The following PCDHGA9 variants were observed in gnomAD, a reference collection of about 807,000 sequenced individuals.
PCDHGA9 encodes the protein protocadherin gamma subfamily A, 9.
A neutral mutation model predicts 62.5 loss-of-function variants in PCDHGA9; 37 were observed. The observed-to-expected ratio is 0.59, with a 90% CI of 0.46 to 0.78. The LOEUF (loss-of-function observed/expected upper bound fraction) is 0.78. Among genes scored for constraint, PCDHGA9 ranks in the 30% least tolerant of loss-of-function variants. The pLI, the probability that PCDHGA9 is intolerant of heterozygous loss-of-function variation, is 0.00. For missense variants in PCDHGA9, 1,138 were observed against 1,166.2 expected (o/e 0.98, Z 0.35); for synonymous variants, 459 against 484.6 (o/e 0.95, Z 0.69).
chr5:141,417,647 C>G, intron 1 of PCDHGA9: 8 of 812,384 alleles, frequency 9.8e-6, no homozygotes, highest in Non-Finnish European at 1.5e-5. Flanking sequence ...ATCCCTCAGC[C>G]TCTAGCCTGG....
chr5:141,414,357 A>G, intron 1 of PCDHGA9: 3 of 1,613,888 alleles, frequency 1.9e-6, no homozygotes, highest in Non-Finnish European at 2.5e-6. Flanking sequence ...TGGCGTATCT[A>G]CCATTTAAAT....
At chr5:141,451,610 G>T (rs184745360) in intron 1 of PCDHGA9, among the ~76,000 whole-genome samples, 60 of 152,298 alleles carry the variant, frequency 3.9e-4, no homozygotes, top group African/African-American at 1.3e-3. Context: ...GGCTAGGCAT[G>T]GTGGCTCAAA....
chr5:141,413,865 C>A, intron 1 of PCDHGA9: 2 of 1,613,388 alleles, frequency 1.2e-6, no homozygotes, highest in Non-Finnish European at 1.7e-6. Context: ...CTGGCACTGT[C>A]CTTGTCAGTG....
At chr5:141,501,326 CACACACA>C (rs1562200783) in intron 2 of PCDHGA9, among the ~76,000 whole-genome samples, 10 of 151,784 alleles carry the variant, frequency 6.6e-5, no homozygotes, top group African/African-American at 1.9e-4. Flanking sequence ...CACACACACA[CACACACA>C]CCCCAAACTC....
At chr5:141,509,376 C>A (rs2099876528) in intron 3 of PCDHGA9, among the ~76,000 whole-genome samples, 1 of 152,122 alleles carries the variant, frequency 6.6e-6, no homozygotes, top group African/African-American at 2.4e-5. Flanking sequence ...TTAACTGTCT[C>A]CTAACCACAG....
chr5:141,483,133 T>C (rs1263073911), intron 1 of PCDHGA9, among the ~76,000 whole-genome samples: 25 of 152,142 alleles, frequency 1.6e-4, no homozygotes, highest in South Asian at 1.2e-3. Flanking sequence ...GGAGATGAGG[T>C]GAAGCAAGTA....
intron 1 of PCDHGA9, chr5:141,409,960 C>G: frequency 6.2e-7 from 1 of 1,613,416 alleles, no homozygotes; most frequent in Non-Finnish European, 8.5e-7. Flanking sequence ...AGCCCGGCTA[C>G]CTAGTGACTA....
At chr5:141,437,035 C>T (rs991186972) in intron 1 of PCDHGA9, among the ~76,000 whole-genome samples, 1 of 152,120 alleles carries the variant, frequency 6.6e-6, no homozygotes, top group Non-Finnish European at 1.5e-5. Context: ...AATGGATCAC[C>T]GAAACCAGAA....
chr5:141,476,766 T>C lies in PCDHGA9; in HGVS notation c.2425-18041T>C. ...AGTCTCCAGTTAGTGCTGACGGCGT[T>C]GGACGGAGGGACCCCAGCTCTCTCC... On this transcript the variant is annotated intron_variant, in intron 1 of 3. Coordinates refer to ENST00000573521, the MANE Select transcript of PCDHGA9 (RefSeq NM_018921.3). This position sits in a 1 kb window ranked among gnomAD's most constrained non-coding sequence, Gnocchi z 7.6. The C allele has an allele frequency of 1.9e-6, 3 of 1,613,626 alleles. No individual in the cohort carries two copies. The highest frequency in any genetic ancestry group is 2.5e-6 in the Non-Finnish European group (3 of 1,179,952).
At chr5:141,454,267 A>G (rs1270638226) in intron 1 of PCDHGA9, among the ~76,000 whole-genome samples, 1 of 152,254 alleles carries the variant, frequency 6.6e-6, no homozygotes, top group Non-Finnish European at 1.5e-5. Context: ...AAGTAATGCC[A>G]GCAAAAACTT....
rs564486909 is a variant in PCDHGA9, at chr5:141,428,072, G to C, written c.2424+22696G>C. ...AGGTGGTGGCGGTGGACGCAGATTC[G>C]GGACACAACGCTTGGCTGTCCTACC... is the stretch of plus-strand genomic sequence containing the variant. On this transcript the variant is annotated intron_variant, in intron 1 of 3. Transcript: ENST00000573521. 5 of 1,609,080 alleles carry C rather than the reference G, an allele frequency of 3.1e-6. 1 individual carries two copies. The South Asian group carries it at 5.5e-5, about 18-fold the overall frequency.
In PCDHGA9 at chr5:141,505,090, A is replaced by C. The variant is rs1018571873; in HGVS notation, c.2484-303A>C. Among the ~76,000 whole-genome samples the C allele has an allele frequency of 3.9e-5, 6 of 152,188 alleles. 1 individual carries two copies. The South Asian group carries it at 1.2e-3, about 31-fold the overall frequency. ...GGCAGGAGAATCGCTTGAACCCAGG[A>C]GGTGGATGTTGCAATGAGCCAAGAT... On this transcript the variant is annotated intron_variant, in intron 2 of 3. Transcript: ENST00000573521.
In PCDHGA9 at chr5:141,431,450, A is replaced by G; in HGVS notation, c.2424+26074A>G. 2 of 1,613,740 alleles carry G rather than the reference A, an allele frequency of 1.2e-6. No individual in the cohort carries two copies. Among genetic ancestry groups the G allele is most frequent in the South Asian group, 1.1e-5 (1 of 91,082 alleles). Reference sequence around the variant, plus strand: ...CACAGGCACCGCGCGCATCCGCGTGATGGTTCTGGATGCGAACGACAACGC... The same window carrying G: ...CACAGGCACCGCGCGCATCCGCGTGGTGGTTCTGGATGCGAACGACAACGC... On this transcript the variant is annotated intron_variant, in intron 1 of 3. Coordinates refer to ENST00000573521, the MANE Select transcript of PCDHGA9 (RefSeq NM_018921.3). The surrounding 1 kb of genome is among the most constrained non-coding windows in gnomAD (Gnocchi z 4.8).
chr5:141,432,084 T>A lies in PCDHGA9; in HGVS notation c.2424+26708T>A, dbSNP rs1372151428. 1.2e-6 allele frequency: 2 copies of A among 1,614,186 alleles called. No individual in the cohort carries two copies. Among genetic ancestry groups the A allele is most frequent in the Admixed American group, 1.7e-5 (1 of 60,022 alleles). On this transcript the variant is annotated intron_variant, in intron 1 of 3. Transcript: ENST00000573521. This position sits in a 1 kb window ranked among gnomAD's most constrained non-coding sequence, Gnocchi z 6.0. Reference sequence around the variant, plus strand: ...ACGGAAACTCATATCTCGCTGAACGTGGCAGACACCAACGACAACCCGCCG... The same window carrying A: ...ACGGAAACTCATATCTCGCTGAACGAGGCAGACACCAACGACAACCCGCCG...
chr5:141,450,491 G>C (rs1264524088), intron 1 of PCDHGA9, among the ~76,000 whole-genome samples: 1 of 151,896 alleles, frequency 6.6e-6, no homozygotes, highest in Non-Finnish European at 1.5e-5. Context: ...TTGTTTGTCT[G>C]TTTGTTTGTT....
chr5:141,409,670 T>C lies in PCDHGA9; in HGVS notation c.2424+4294T>C, dbSNP rs2095300697. 1.9e-6 allele frequency: 3 copies of C among 1,613,486 alleles called. No homozygotes were observed. In the East Asian group the frequency reaches 6.7e-5, roughly 36 times the overall value. ...GGGGCTCAATGGCCACATCTCCTACTCTATAGTGGCGAGTGACCTAGAGCC... is the reference window on the plus strand; with the variant it reads ...GGGGCTCAATGGCCACATCTCCTACCCTATAGTGGCGAGTGACCTAGAGCC... On this transcript the variant is annotated intron_variant, in intron 1 of 3. Transcript: ENST00000573521.
chr5:141,432,173 G>C lies in PCDHGA9; in HGVS notation c.2424+26797G>C, dbSNP rs771177256. On this transcript the variant is annotated intron_variant, in intron 1 of 3. Transcript: ENST00000573521. This position sits in a 1 kb window ranked among gnomAD's most constrained non-coding sequence, Gnocchi z 6.0. ...GAACAATCCCAGAGGAGTTTCCCTC[G>C]TCTCTGTGACCGCCCACGACCCCGA... The C allele has an allele frequency of 3.1e-6, 5 of 1,614,054 alleles. No homozygotes were observed. Among genetic ancestry groups the C allele is most frequent in the South Asian group, 1.1e-5 (1 of 91,054 alleles).
rs751024373 is a variant in PCDHGA9, at chr5:141,491,801, G to A, written c.2425-3006G>A. On this transcript the variant is annotated intron_variant, in intron 1 of 3. Coordinates refer to ENST00000573521, the MANE Select transcript of PCDHGA9 (RefSeq NM_018921.3). The surrounding 1 kb of genome is among the most constrained non-coding windows in gnomAD (Gnocchi z 6.9). ...AACTTGCATCCACTCCTCTCCGGCC[G>A]GCTTGGTCGCTGGCTGCGCTCCACC... 2.7e-6 allele frequency: 4 copies of A among 1,500,726 alleles called. No homozygotes were observed. The Admixed American group carries it at 7.3e-5, about 28-fold the overall frequency. 93.0% of individuals were successfully genotyped at this position (1,500,726 alleles called of 1,614,324 possible). A position where few individuals can be genotyped will look rare whatever the true frequency, so the allele number is the denominator to read the frequency against.
chr5:141,405,218 G>C lies in PCDHGA9; in HGVS notation c.2266G>C (p.Glu756Gln). The change falls in exon 1 of 4, where the codon GAG becomes CAG. Residue 756 changes from glutamate (E) to glutamine (Q), a missense_variant. By Grantham distance (29) the Glu-to-Gln change is conservative (BLOSUM62 2). Transcript: ENST00000573521. ...AGCTTTCCTACAGACCTATTCTCAG[G>C]AGTTCTCCCTCACCGCTGACTCAAG... is the stretch of plus-strand genomic sequence containing the variant. ...VRAFLQTYSQ[E>Q]FSLTADSRKS... The C allele has an allele frequency of 1.9e-6, 3 of 1,613,986 alleles. No individual in the cohort carries two copies. The highest frequency in any genetic ancestry group is 2.5e-6 in the Non-Finnish European group (3 of 1,180,010).
Sources: gnomAD v4.1 joint callset for allele counts (sites outside exome capture counted in the v4.1 genomes callset) on GRCh38, gnomAD v4.1.1 for gene constraint, Gnocchi (gnomAD v3.1) non-coding constraint, MANE v1.5 for transcripts, NCBI Gene and HGNC (gene_info 2026-07-23, HGNC 2026-07-21) for gene names.